RAVER2: variants seen among roughly 807,000 people sequenced by gnomAD.
RAVER2 encodes the protein ribonucleoprotein PTB-binding 2.
RAVER2 carries 46 observed loss-of-function variants against 78.1 expected under a neutral mutation model. That is an observed-to-expected ratio of 0.59 (90% confidence interval 0.46 to 0.75). The LOEUF is 0.75. Ranked by LOEUF, RAVER2 falls within the 30% of genes least tolerant of loss-of-function variation. The pLI, the probability that RAVER2 is intolerant of heterozygous loss-of-function variation, is 0.00. For synonymous variants in RAVER2, 311 were observed against 313.3 expected (o/e 0.99, Z 0.08); for missense variants, 793 against 837.5 (o/e 0.95, Z 0.66).
At chr1:64,820,390 CAT>C (rs1268250295) in intron 11 of RAVER2, among the ~76,000 whole-genome samples, 1 of 152,042 alleles carries the variant, frequency 6.6e-6, no homozygotes, top group African/African-American at 2.4e-5. Flanking sequence ...CCATTTATAA[CAT>C]ATTTTCTTTT....
chr1:64,781,715 T>A lies in RAVER2; in HGVS notation c.978+144T>A, dbSNP rs537054695. On this transcript the variant is annotated intron_variant, in intron 4 of 11. Coordinates refer to ENST00000294428, the Ensembl canonical transcript of RAVER2. ...CACACTGAAGACTTTTCCTTTTTTT[T>A]AAAAAAGGTTAGCTAAATGGTTTCC... 3.5e-4 allele frequency: 290 copies of A among 832,904 alleles called. 1 individual carries two copies. The highest frequency in any genetic ancestry group is 7.5e-4 in the East Asian group (27 of 35,940). 51.6% of individuals were successfully genotyped at this position (832,904 alleles called of 1,614,324 possible).
exon 12 of RAVER2, chr1:64,832,116 G>A (rs895105622): frequency 3.3e-5 from 5 of 152,584 alleles, no homozygotes; most frequent in Non-Finnish European, 5.9e-5. Flanking sequence ...ATTTCATAGC[G>A]TAGACTAGTA....
At chr1:64,795,362 G>C (rs1014184922) in intron 5 of RAVER2, among the ~76,000 whole-genome samples, 2 of 152,040 alleles carry the variant, frequency 1.3e-5, no homozygotes, top group Admixed American at 1.3e-4. Flanking sequence ...TGTCGGCTGG[G>C]ATTTTGATTG....
intron 2 of RAVER2, 81 bp from the exon 3 acceptor site, chr1:64,777,542 C>T (rs1265940123): frequency 4.3e-6 from 5 of 1,173,378 alleles, no homozygotes; most frequent in Non-Finnish European, 3.6e-6. Context: ...TTATGTGTAC[C>T]AAGTCACAGA....
At chr1:64,748,686 T>C (rs1557578739) in intron 1 of RAVER2, among the ~76,000 whole-genome samples, 1 of 152,240 alleles carries the variant, frequency 6.6e-6, no homozygotes, top group Non-Finnish European at 1.5e-5. Context: ...GAAAATGTAC[T>C]ATATTTGACT....
intron 1 of RAVER2, among the ~76,000 whole-genome samples, chr1:64,746,993 T>C (rs1284026904): frequency 6.6e-6 from 1 of 152,248 alleles, no homozygotes; most frequent in Non-Finnish European, 1.5e-5. Context: ...TCACAATTCC[T>C]TGCATTAATT....
exon 12 of RAVER2, chr1:64,833,208 A>G (rs1654232230): frequency 9.4e-6 from 2 of 213,184 alleles, no homozygotes; most frequent in Admixed American, 5.9e-5. Flanking sequence ...TGAAATCTTA[A>G]TATTAAAAGG....
intron 1 of RAVER2, among the ~76,000 whole-genome samples, chr1:64,755,762 A>T (rs1264698002): frequency 1.6e-5 from 2 of 123,946 alleles, no homozygotes; most frequent in African/African-American, 3.4e-5. Flanking sequence ...TTGTAGCCAG[A>T]ACTAGAGTAG....
chr1:64,833,146 A>AACT (rs1654227195), exon 12 of RAVER2: 1 of 185,998 alleles, frequency 5.4e-6, no homozygotes, highest in African/African-American at 2.3e-5. Context: ...CTCCCCCCAA[A>AACT]ACTATACTGT....
chr1:64,786,732 G>A (rs946574394), intron 4 of RAVER2, among the ~76,000 whole-genome samples: 12 of 152,060 alleles, frequency 7.9e-5, no homozygotes, highest in Non-Finnish European at 1.6e-4. Flanking sequence ...AGCAGAGATT[G>A]CAGTGAACCG....
chr1:64,830,844 A>G (rs761331563), exon 12 of RAVER2: 2 of 1,601,192 alleles, frequency 1.2e-6, no homozygotes, highest in Non-Finnish European at 8.5e-7. Flanking sequence ...CATAGGTGTC[A>G]TCTTTAAGAA....
intron 5 of RAVER2, among the ~76,000 whole-genome samples, chr1:64,798,294 G>A (rs1209081215): frequency 7.3e-6 from 1 of 137,258 alleles, no homozygotes; most frequent in Non-Finnish European, 1.6e-5. Context: ...TGGTGTATAT[G>A]TGCCACATTT....
intron 1 of RAVER2, among the ~76,000 whole-genome samples, chr1:64,760,794 A>G (rs1042007472): frequency 1.2e-4 from 18 of 150,860 alleles, no homozygotes; most frequent in Non-Finnish European, 2.4e-4. Context: ...CTTGGCCCCA[A>G]TTCCCATTCT....
chr1:64,750,371 G>A (rs1376864451), intron 1 of RAVER2, among the ~76,000 whole-genome samples: 5 of 150,350 alleles, frequency 3.3e-5, no homozygotes, highest in Non-Finnish European at 5.9e-5. Context: ...GTGCAGTGGT[G>A]TGATCATAGC....
intron 1 of RAVER2, among the ~76,000 whole-genome samples, chr1:64,763,576 A>G (rs1384566495): frequency 6.6e-6 from 1 of 151,986 alleles, no homozygotes; most frequent in Non-Finnish European, 1.5e-5. Flanking sequence ...TTGGTTACAG[A>G]TTTTTGGAAA....
At chr1:64,759,667 C>G (rs1424166763) in intron 1 of RAVER2, among the ~76,000 whole-genome samples, 1 of 152,056 alleles carries the variant, frequency 6.6e-6, no homozygotes, top group Non-Finnish European at 1.5e-5. Context: ...CAGGCGCCCG[C>G]CACCACGCCC....
chr1:64,800,374 C>T (rs1653227811), intron 5 of RAVER2, among the ~76,000 whole-genome samples: 1 of 152,066 alleles, frequency 6.6e-6, no homozygotes, highest in South Asian at 2.1e-4. Flanking sequence ...GATCAGTGTC[C>T]TCAAGTGTTT....
At chr1:64,752,333 T>C (rs994422926) in intron 1 of RAVER2, among the ~76,000 whole-genome samples, 8 of 152,242 alleles carry the variant, frequency 5.3e-5, no homozygotes, top group African/African-American at 1.9e-4. Context: ...AGTCGGTTTC[T>C]ATCCAGTGGC....
At chr1:64,826,089 G>A (rs1029395863) in intron 11 of RAVER2, among the ~76,000 whole-genome samples, 3 of 152,238 alleles carry the variant, frequency 2.0e-5, no homozygotes, top group African/African-American at 7.2e-5. Context: ...TGCTGAAGGA[G>A]CTGGGAATGG....
Sources: gnomAD v4.1 joint callset for allele counts (sites outside exome capture counted in the v4.1 genomes callset) on GRCh38, gnomAD v4.1.1 for gene constraint, MANE v1.5 for transcripts, NCBI Gene and HGNC (gene_info 2026-07-23, HGNC 2026-07-21) for gene names.